RAPGEF4: variants seen among roughly 807,000 people sequenced by gnomAD.
The protein encoded by RAPGEF4 is Rap guanine nucleotide exchange factor 4.
RAPGEF4 carries 66 observed loss-of-function variants against 147.9 expected under a neutral mutation model. The observed-to-expected ratio is 0.45, with a 90% CI of 0.37 to 0.55. RAPGEF4 has a LOEUF of 0.55. RAPGEF4 is among the 20% of genes least tolerant of loss of function. The probability of loss-of-function intolerance (pLI) is 0.00; values close to 1 mark genes in which losing one functional copy is unlikely to be tolerated. For synonymous variants in RAPGEF4, 419 were observed against 442.7 expected, an observed-to-expected ratio of 0.95 and a Z score of 0.67; for missense variants, 1,071 against 1,257.3, an observed-to-expected ratio of 0.85 and a Z score of 2.24.
At chr2:172,764,824 A>AC (rs1255033009) in intron 1 of RAPGEF4, among the ~76,000 whole-genome samples, 1 of 152,186 alleles carries the variant, frequency 6.6e-6, no homozygotes, top group Non-Finnish European at 1.5e-5. Context: ...TGGGAGAAGC[A>AC]CTGGGCAATT....
intron 4 of RAPGEF4, among the ~76,000 whole-genome samples, chr2:172,828,128 T>C (rs1689882430): frequency 6.6e-6 from 1 of 152,036 alleles, no homozygotes; most frequent in African/African-American, 2.4e-5. Context: ...TTAATGGAGA[T>C]AAATATAAGA....
intron 4 of RAPGEF4, among the ~76,000 whole-genome samples, chr2:172,870,033 T>G (rs1342314047): frequency 6.6e-6 from 1 of 152,086 alleles, no homozygotes; most frequent in Non-Finnish European, 1.5e-5. Flanking sequence ...GTAACCTGGG[T>G]GTGCTGCAGC....
At chr2:172,859,414 T>A (rs1693776535) in intron 4 of RAPGEF4, among the ~76,000 whole-genome samples, 1 of 152,248 alleles carries the variant, frequency 6.6e-6, no homozygotes, top group Non-Finnish European at 1.5e-5. Context: ...TGAGAAGATT[T>A]TAAACATGTT....
chr2:172,940,222 A>G (rs183602713), intron 6 of RAPGEF4, among the ~76,000 whole-genome samples: 1 of 152,230 alleles, frequency 6.6e-6, no homozygotes, highest in Non-Finnish European at 1.5e-5. Context: ...AAGAATTCCT[A>G]CTATGAGAAT....
intron 4 of RAPGEF4, among the ~76,000 whole-genome samples, chr2:172,842,776 C>T (rs1691755999): frequency 6.6e-6 from 1 of 152,174 alleles, no homozygotes; most frequent in Admixed American, 6.5e-5. Context: ...ACAAGTGCAC[C>T]CAGATGCAAG....
chr2:172,938,214 T>TACACAC (rs57780996), intron 6 of RAPGEF4, among the ~76,000 whole-genome samples: 5,296 of 148,186 alleles, frequency 0.036, 110 homozygotes, highest in East Asian at 0.061. Flanking sequence ...TATCTGTAAG[T>TACACAC]ACACACACAC....
chr2:172,842,210 G>T (rs1691691325), intron 4 of RAPGEF4, among the ~76,000 whole-genome samples: 1 of 152,144 alleles, frequency 6.6e-6, no homozygotes, highest in Non-Finnish European at 1.5e-5. Context: ...TGCATTCAAT[G>T]GCAGGTCTTT....
At chr2:172,808,338 G>A (rs933770827) in intron 3 of RAPGEF4, among the ~76,000 whole-genome samples, 7 of 152,188 alleles carry the variant, frequency 4.6e-5, no homozygotes, top group East Asian at 1.9e-4. Context: ...TTTACAGCAC[G>A]GTTTGTCAGA....
chr2:172,879,252 A>G (rs1696329041), intron 4 of RAPGEF4, among the ~76,000 whole-genome samples: 1 of 152,192 alleles, frequency 6.6e-6, no homozygotes, highest in African/African-American at 2.4e-5. Context: ...ATCTATATAT[A>G]CTGTTATGGA....
At chr2:173,026,269 C>T (rs1295642874) in intron 23 of RAPGEF4, among the ~76,000 whole-genome samples, 1 of 152,144 alleles carries the variant, frequency 6.6e-6, no homozygotes, top group Non-Finnish European at 1.5e-5. Flanking sequence ...GAAGAGTTTC[C>T]AGGGACCTCC....
intron 4 of RAPGEF4, among the ~76,000 whole-genome samples, chr2:172,895,016 T>C (rs1698329406): frequency 6.6e-6 from 1 of 152,014 alleles, no homozygotes; most frequent in African/African-American, 2.4e-5. Context: ...ATTTTTGAAT[T>C]TTCTTTAGAG....
chr2:172,746,065 T>G (rs1480026607), intron 1 of RAPGEF4, among the ~76,000 whole-genome samples: 1 of 152,320 alleles, frequency 6.6e-6, no homozygotes, highest in Admixed American at 6.5e-5. Flanking sequence ...ATAAATATTG[T>G]TTTTTCGCAT....
At chr2:172,784,141 T>C (rs570902844) in intron 1 of RAPGEF4, among the ~76,000 whole-genome samples, 5 of 152,290 alleles carry the variant, frequency 3.3e-5, no homozygotes, top group Admixed American at 6.5e-5. Context: ...TTTTTAACTT[T>C]GTGTGTGCAG....
intron 6 of RAPGEF4, among the ~76,000 whole-genome samples, chr2:172,935,533 C>T (rs1233174146): frequency 1.3e-5 from 2 of 152,192 alleles, no homozygotes; most frequent in African/African-American, 4.8e-5. Flanking sequence ...AAAACTGCCC[C>T]CTTCGATTGA....
chr2:172,849,624 C>T (rs1004588601), intron 4 of RAPGEF4, among the ~76,000 whole-genome samples: 3 of 152,232 alleles, frequency 2.0e-5, no homozygotes. Flanking sequence ...CACGAAGGCA[C>T]AGCCACTGGT....
chr2:172,783,775 AGTGTGTGT>A (rs10685817), intron 1 of RAPGEF4, among the ~76,000 whole-genome samples: 1 of 147,678 alleles, frequency 6.8e-6, no homozygotes, highest in Non-Finnish European at 1.5e-5. Context: ...TGTATGTGTG[AGTGTGTGT>A]GTGTGTGTGT....
intron 10 of RAPGEF4, among the ~76,000 whole-genome samples, chr2:172,973,880 G>A (rs6750399): frequency 0.27 from 41,338 of 152,080 alleles, 6,684 homozygotes; most frequent in East Asian, 0.43. Context: ...TAAATGAAGT[G>A]AAAATACTAC....
chr2:172,850,186 T>G (rs966818088), intron 4 of RAPGEF4, among the ~76,000 whole-genome samples: 1 of 152,180 alleles, frequency 6.6e-6, no homozygotes, highest in African/African-American at 2.4e-5. Context: ...TCTTGATGTC[T>G]AAAATAAAAA....
At chr2:172,893,013 T>C (rs1380480319) in intron 4 of RAPGEF4, among the ~76,000 whole-genome samples, 1 of 152,246 alleles carries the variant, frequency 6.6e-6, no homozygotes, top group Non-Finnish European at 1.5e-5. Context: ...CTTATATTTA[T>C]GGCATCTCAT....
Sources: allele counts gnomAD v4.1 joint callset (sites outside exome capture counted in the v4.1 genomes callset), GRCh38; gene constraint gnomAD v4.1.1; transcripts MANE v1.5; gene names NCBI Gene and HGNC (gene_info 2026-07-23, HGNC 2026-07-21).